AGO2: variants seen among roughly 807,000 people sequenced by gnomAD.
AGO2 encodes the protein argonaute RISC catalytic component 2.
A neutral mutation model predicts 102.3 loss-of-function variants in AGO2; 5 were observed. The ratio of observed to expected loss-of-function variants is 0.05; its 90% CI spans 0.03 to 0.10. The LOEUF is 0.10. AGO2 is among the 10% of genes least tolerant of loss of function. The pLI, the probability that AGO2 is intolerant of heterozygous loss-of-function variation, is 1.00. For synonymous variants in AGO2, 449 were observed against 473.1 expected, an observed-to-expected ratio of 0.95 and a Z score of 0.66; for missense variants, 541 against 1,183.7, an observed-to-expected ratio of 0.46 and a Z score of 7.97.
chr8:140,531,412 A>C lies in AGO2; in HGVS notation c.*632T>G, dbSNP rs1289928848. The C allele has an allele frequency of 2.6e-5, 4 of 152,632 alleles. 1 individual carries two copies. The highest frequency in any genetic ancestry group is 2.6e-4 in the Admixed American group (4 of 15,284). The allele number at this position is 152,632 out of a possible 1,614,324, so 9.5% of individuals were successfully genotyped here. On this transcript the variant is annotated 3_prime_UTR_variant, in exon 19 of 19. Coordinates refer to ENST00000220592, the MANE Select transcript of AGO2 (RefSeq NM_012154.5). ...CTGGACCTGGAAATGCTGTAAACACACGGGGCCCACCTTCTGCCACTGCTC... is the reference window on the plus strand; with the variant it reads ...CTGGACCTGGAAATGCTGTAAACACCCGGGGCCCACCTTCTGCCACTGCTC...
At chr8:140,568,270 C>T (rs541620184) in intron 3 of AGO2, among the ~76,000 whole-genome samples, 3 of 126,202 alleles carry the variant, frequency 2.4e-5, no homozygotes, top group Admixed American at 8.5e-5. Flanking sequence ...GGTGACAGAG[C>T]GAGACCATGT....
chr8:140,636,357 G>A (rs956817488), upstream of AGO2: 1 of 152,236 alleles, frequency 6.6e-6, no homozygotes, highest in South Asian at 2.1e-4. Flanking sequence ...GGGCCTGCTC[G>A]GACCGTCGTG....
At chr8:140,597,814 C>T (rs1432394150) in intron 1 of AGO2, among the ~76,000 whole-genome samples, 2 of 152,188 alleles carry the variant, frequency 1.3e-5, no homozygotes, top group African/African-American at 2.4e-5. Context: ...TTTTTATCAG[C>T]GAGGCAGCAA....
At chr8:140,533,000 C>CAA (rs35812545) in intron 17 of AGO2, among the ~76,000 whole-genome samples, 2,375 of 111,868 alleles carry the variant, frequency 0.021, 39 homozygotes, top group African/African-American at 0.052. Context: ...TCCTCTGTCT[C>CAA]AAAAAAAAAA....
At chr8:140,636,321 G>C (rs2074408226), upstream of AGO2, 1 of 152,312 alleles carries the variant, frequency 6.6e-6, no homozygotes, top group African/African-American at 2.4e-5. Context: ...GATCAGATCA[G>C]CGGACACGCC....
At position 140,536,344 on chromosome 8, in the gene AGO2, T is replaced by C. The variant is rs566182608; in HGVS notation, c.2170-775A>G. 2.2e-5 allele frequency among the ~76,000 whole-genome samples: 3 copies of C among 138,694 alleles called. No homozygotes were observed. The East Asian group carries it at 6.4e-4, about 29-fold the overall frequency. 91.0% of individuals were successfully genotyped at this position (138,694 alleles called of 152,430 possible). ...CTTTGCAATTTTTTTTTTTTTTTTT[T>C]GAGATGGAGTCTTGCTTTGCCACCC... On this transcript the variant is annotated intron_variant, in intron 16 of 18. Transcript: ENST00000220592.
chr8:140,557,003 C>T lies in AGO2; in HGVS notation c.1026+86G>A. 3 of 1,512,828 alleles carry T rather than the reference C, an allele frequency of 2.0e-6. No homozygotes were observed. The highest frequency in any genetic ancestry group is 2.7e-6 in the Non-Finnish European group (3 of 1,121,288). 93.7% of individuals were successfully genotyped at this position (1,512,828 alleles called of 1,614,324 possible). On this transcript the variant is annotated intron_variant, in intron 8 of 18. Coordinates refer to ENST00000220592, the MANE Select transcript of AGO2 (RefSeq NM_012154.5). The surrounding 1 kb of genome is among the most constrained non-coding windows in gnomAD (Gnocchi z 5.9). ...AGTGCCATTTGTATCTGACTGGGGC[C>T]TCGGCGGTTTCTCGAAGCTGCATGC...
intron 1 of AGO2, among the ~76,000 whole-genome samples, chr8:140,634,385 G>A (rs2074376521): frequency 6.6e-6 from 1 of 152,246 alleles, no homozygotes; most frequent in African/African-American, 2.4e-5. Context: ...GCCCGGCCGG[G>A]TAAACATAAG....
rs750274276 is a variant in AGO2, at chr8:140,585,104, G to C, written c.215+15C>G. ...CAGACCACTTACACAGGTCATGAAG[G>C]ATGAAACGTAATACCTGTTAACTCT... is the stretch of plus-strand genomic sequence containing the variant. On this transcript the variant is annotated intron_variant, in intron 2 of 18. Coordinates refer to ENST00000220592, the MANE Select transcript of AGO2 (RefSeq NM_012154.5). 6.8e-6 allele frequency: 11 copies of C among 1,611,238 alleles called. No homozygotes were observed. Among genetic ancestry groups the C allele is most frequent in the African/African-American group, 1.3e-5 (1 of 74,898 alleles).
intron 3 of AGO2, among the ~76,000 whole-genome samples, chr8:140,563,482 C>T (rs1316870176): frequency 2.6e-5 from 4 of 152,202 alleles, no homozygotes; most frequent in Non-Finnish European, 4.4e-5. Flanking sequence ...GGGATCCTCC[C>T]ACCTTGGCCT....
rs544680356 is a variant in AGO2 at position 140,559,155 on chromosome 8, C to T, written c.790+240G>A. Among the ~76,000 whole-genome samples, 87 of 152,322 alleles carry T rather than the reference C, an allele frequency of 5.7e-4. No individual in the cohort carries two copies. The South Asian group carries it at 0.018, about 31-fold the overall frequency. ...TCTAGTCCTGAGATCATGACTCAGA[C>T]GTGACTGACTCCCCAACCTCATCCT... On this transcript the variant is annotated intron_variant, in intron 6 of 18. Coordinates refer to ENST00000220592, the MANE Select transcript of AGO2 (RefSeq NM_012154.5).
intron 1 of AGO2, among the ~76,000 whole-genome samples, chr8:140,596,442 G>C (rs2073845126): frequency 6.6e-6 from 1 of 152,160 alleles, no homozygotes; most frequent in African/African-American, 2.4e-5. Flanking sequence ...AATTAGCCGG[G>C]CACGGTGGCG....
chr8:140,549,163 C>A lies in AGO2; in HGVS notation c.1539G>T (p.Ala513=). Residue 513 remains alanine (A), a synonymous_variant, in exon 12 of 19, where the codon GCG becomes GCT. Coordinates refer to ENST00000220592, the MANE Select transcript of AGO2 (RefSeq NM_012154.5). ...GGATGACCACCACCAGCTGCAGGCC[C>A]GCATACGTGTTCTTCAGGTGCCGGA... ...PMFRHLKNTY[A]GLQLVVVILP... is the part of the protein sequence containing the mutation. 6.2e-7 allele frequency: 1 copy of A among 1,613,180 alleles called. No individual in the cohort carries two copies. Among genetic ancestry groups the A allele is most frequent in the Non-Finnish European group, 8.5e-7 (1 of 1,179,724 alleles).
chr8:140,565,448 A>AG lies in AGO2; in HGVS notation c.337-2815_337-2814insC, dbSNP rs989433329. Among the ~76,000 whole-genome samples, 140 of 150,646 alleles carry AG rather than the reference A, an allele frequency of 9.3e-4. 1 individual carries two copies. Among genetic ancestry groups the AG allele is most frequent in the African/African-American group, 3.3e-3 (136 of 41,080 alleles). On this transcript the variant is annotated intron_variant, in intron 3 of 18. Transcript: ENST00000220592. ...AGCAAGACTCTGTCTCAAAAAAAAA[A>AG]AAAAACCCAAAAACCAAAAAACAAA...
intron 1 of AGO2, among the ~76,000 whole-genome samples, chr8:140,618,968 G>C (rs758055568): frequency 6.6e-6 from 1 of 151,144 alleles, no homozygotes; most frequent in Non-Finnish European, 1.5e-5. Context: ...TTAAAAACTA[G>C]AATCAAAAAG....
chr8:140,596,840 CATCG>C (rs1229420042), intron 1 of AGO2, among the ~76,000 whole-genome samples: 4 of 152,148 alleles, frequency 2.6e-5, no homozygotes, highest in African/African-American at 9.7e-5. Flanking sequence ...GGGCCCACGT[CATCG>C]CATGGCTGCT....
intron 10 of AGO2, among the ~76,000 whole-genome samples, chr8:140,553,365 C>A (rs530785368): frequency 6.6e-6 from 1 of 150,548 alleles, no homozygotes; most frequent in African/African-American, 2.4e-5. Flanking sequence ...GCCAGGGCAA[C>A]AGAGAAACAC....
chr8:140,597,268 C>A (rs932311759), intron 1 of AGO2, among the ~76,000 whole-genome samples: 1 of 152,238 alleles, frequency 6.6e-6, no homozygotes, highest in African/African-American at 2.4e-5. Flanking sequence ...ACACCCTTTC[C>A]GGCAAGCACA....
chr8:140,561,624 T>G (rs956623572), intron 4 of AGO2, among the ~76,000 whole-genome samples: 1 of 152,160 alleles, frequency 6.6e-6, no homozygotes, highest in African/African-American at 2.4e-5. Context: ...CTGTATTTGG[T>G]CACCTCCTCC....
Sources: gnomAD v4.1 joint callset for allele counts (sites outside exome capture counted in the v4.1 genomes callset) on GRCh38, gnomAD v4.1.1 for gene constraint, Gnocchi (gnomAD v3.1) non-coding constraint, MANE v1.5 for transcripts, NCBI Gene and HGNC (gene_info 2026-07-23, HGNC 2026-07-21) for gene names.